PTBP3: variants seen among roughly 807,000 people sequenced by gnomAD.
PTBP3 encodes the protein polypyrimidine tract binding protein 3, also known as polypyrimidine tract-binding protein 3.
In PTBP3, 20 loss-of-function variants were observed where a neutral mutation model predicts 58.7. The observed-to-expected ratio is 0.34, with a 90% CI of 0.24 to 0.50. The LOEUF (loss-of-function observed/expected upper bound fraction) is 0.50, where lower values mean the gene tolerates loss of function less well. PTBP3 is among the 20% of genes least tolerant of loss of function. The probability of loss-of-function intolerance (pLI) is 0.98; values close to 1 mark genes in which losing one functional copy is unlikely to be tolerated. For missense variants in PTBP3, 509 were observed against 637.2 expected (o/e 0.80, Z 2.17); for synonymous variants, 185 against 219.8 (o/e 0.84, Z 1.40).
the PTBP3 span, among the ~76,000 whole-genome samples, chr9:112,346,040 C>T: frequency 2.8e-4 from 42 of 150,546 alleles, 1 homozygote; most frequent in South Asian, 6.8e-3. Context: ...GACGGGGTTT[C>T]GCCATGTTAG....
chr9:112,330,734 C>A (rs1830336263), intron 1 of PTBP3, among the ~76,000 whole-genome samples: 1 of 152,122 alleles, frequency 6.6e-6, no homozygotes, highest in African/African-American at 2.4e-5. Context: ...TATAGTCAAA[C>A]TTCAATAAAA....
intron 2 of PTBP3, among the ~76,000 whole-genome samples, chr9:112,293,461 T>C (rs1041054621): frequency 6.6e-6 from 1 of 152,250 alleles, no homozygotes; most frequent in African/African-American, 2.4e-5. Flanking sequence ...GCATATGTGA[T>C]TGAGTGTCCC....
the PTBP3 span, among the ~76,000 whole-genome samples, chr9:112,357,505 A>G: frequency 6.6e-6 from 1 of 151,944 alleles, no homozygotes; most frequent in Non-Finnish European, 1.5e-5. Context: ...GCAGGCAGCC[A>G]TGCTTACTAA....
downstream of PTBP3, chr9:112,217,793 T>G (rs1475977553): frequency 6.6e-6 from 1 of 152,246 alleles, no homozygotes; most frequent in Admixed American, 6.5e-5. Flanking sequence ...TAGTAGTGAT[T>G]ACCTAATTTT....
intron 2 of PTBP3, among the ~76,000 whole-genome samples, chr9:112,289,733 G>A (rs977173555): frequency 1.3e-5 from 2 of 150,954 alleles, no homozygotes; most frequent in South Asian, 2.1e-4. Flanking sequence ...AGTGAGCTGT[G>A]ATTACGTGAT....
intron 5 of PTBP3, among the ~76,000 whole-genome samples, chr9:112,255,958 TATAA>T (rs1836328312): frequency 1.3e-5 from 2 of 152,058 alleles, no homozygotes; most frequent in African/African-American, 2.4e-5. Flanking sequence ...CTTGGTTTTA[TATAA>T]ATATTTATCA....
At chr9:112,281,198 T>G (rs964186211) in intron 2 of PTBP3, 1 of 201,262 alleles carries the variant, frequency 5.0e-6, no homozygotes, top group Non-Finnish European at 1.1e-5. Context: ...GTCCTCCACA[T>G]TTTGTGAGTA....
At chr9:112,246,978 G>C (rs984402268) in intron 7 of PTBP3, among the ~76,000 whole-genome samples, 2 of 152,060 alleles carry the variant, frequency 1.3e-5, no homozygotes, top group African/African-American at 4.8e-5. Flanking sequence ...CATCTATATT[G>C]AAAGACATTC....
intron 5 of PTBP3, among the ~76,000 whole-genome samples, chr9:112,256,681 G>A (rs972104052): frequency 6.6e-6 from 1 of 151,756 alleles, no homozygotes; most frequent in Non-Finnish European, 1.5e-5. Context: ...ATACCACCAT[G>A]CATGGCTAAT....
At chr9:112,345,147 A>C in the PTBP3 span, among the ~76,000 whole-genome samples, 7 of 151,908 alleles carry the variant, frequency 4.6e-5, no homozygotes, top group African/African-American at 7.3e-5. Context: ...CCACAGAGCT[A>C]TATACTTTAA....
At chr9:112,299,780 C>G (rs778542872) in intron 1 of PTBP3, among the ~76,000 whole-genome samples, 1 of 152,136 alleles carries the variant, frequency 6.6e-6, no homozygotes, top group Non-Finnish European at 1.5e-5. Context: ...TGGACATGAC[C>G]TATACTTAAT....
chr9:112,303,405 T>G (rs1384625321), intron 1 of PTBP3, among the ~76,000 whole-genome samples: 1 of 152,240 alleles, frequency 6.6e-6, no homozygotes, highest in East Asian at 1.9e-4. Context: ...ATCAATAACA[T>G]AATTTTGTCA....
At chr9:112,254,702 A>C (rs1836275337) in intron 5 of PTBP3, among the ~76,000 whole-genome samples, 4 of 152,232 alleles carry the variant, frequency 2.6e-5, no homozygotes, top group Admixed American at 6.5e-5. Context: ...GATAGTTATA[A>C]AATTTTTTAA....
At chr9:112,269,871 C>G (rs1297401259) in intron 3 of PTBP3, among the ~76,000 whole-genome samples, 2 of 151,668 alleles carry the variant, frequency 1.3e-5, no homozygotes, top group African/African-American at 4.9e-5. Context: ...TTAAGTGTTT[C>G]TAGGAAGAAA....
At chr9:112,300,734 A>G (rs569742103) in intron 1 of PTBP3, among the ~76,000 whole-genome samples, 1 of 151,816 alleles carries the variant, frequency 6.6e-6, no homozygotes, top group East Asian at 1.9e-4. Flanking sequence ...CCTGGGCGAC[A>G]AAGCGAGACT....
chr9:112,262,230 C>T (rs1380560697), intron 5 of PTBP3, among the ~76,000 whole-genome samples: 4 of 151,966 alleles, frequency 2.6e-5, no homozygotes, highest in African/African-American at 9.7e-5. Flanking sequence ...ACTTTTTACA[C>T]CCTTTTTAAT....
At chr9:112,335,394 T>C (rs1166988927), upstream of PTBP3, among the ~76,000 whole-genome samples, 1 of 151,754 alleles carries the variant, frequency 6.6e-6, no homozygotes, top group African/African-American at 2.4e-5. Context: ...CAAGTGATTC[T>C]CCTGCCTCAG....
intron 6 of PTBP3, 37 bp downstream of exon 6, chr9:112,252,641 A>T: frequency 6.9e-7 from 1 of 1,447,812 alleles, no homozygotes; most frequent in Non-Finnish European, 9.7e-7. Context: ...CACTGGAGTG[A>T]TTAACAATTG....
rs761273797 is a variant in PTBP3, at chr9:112,267,132, T to G, written c.351+917A>C. ...AGAGCAAGAATACAGAGGCCAAACA[T>G]GCCCTTAAAATCATAATTTTAAAAA... On this transcript the variant is annotated intron_variant, in intron 4 of 13. Transcript: ENST00000374257. 1.2e-4 allele frequency among the ~76,000 whole-genome samples: 18 copies of G among 151,692 alleles called. No individual in the cohort carries two copies. The South Asian group carries it at 2.1e-3, about 18-fold the overall frequency.
Sources: allele counts gnomAD v4.1 joint callset (sites outside exome capture counted in the v4.1 genomes callset), GRCh38; gene constraint gnomAD v4.1.1; transcripts MANE v1.5; gene names NCBI Gene and HGNC (gene_info 2026-07-23, HGNC 2026-07-21).